GPM6A: variants seen among roughly 807,000 people sequenced by gnomAD.
GPM6A encodes glycoprotein M6A.
In GPM6A, 7 loss-of-function variants were observed where a neutral mutation model predicts 32.1. That is an observed-to-expected ratio of 0.22 (90% CI 0.12 to 0.41). GPM6A has a LOEUF of 0.41. Among genes scored for constraint, GPM6A ranks in the 10% least tolerant of loss-of-function variants. The pLI, the probability that GPM6A is intolerant of heterozygous loss-of-function variation, is 1.00. For synonymous variants in GPM6A, 130 were observed against 123.4 expected (o/e 1.05, Z -0.35); for missense variants, 235 against 347.2 (o/e 0.68, Z 2.57).
Position 176,002,221 on chromosome 4 carries a change from G to A in GPM6A, c.-23+88C>T, listed in dbSNP as rs536076572. 1.3e-4 allele frequency: 185 copies of A among 1,376,042 alleles called. No individual in the cohort carries two copies. The African/African-American group carries it at 2.0e-3, about 15-fold the overall frequency. 85.2% of individuals were successfully genotyped at this position (1,376,042 alleles called of 1,614,324 possible). A position where few individuals can be genotyped will look rare whatever the true frequency, so the allele number is the denominator to read the frequency against. On this transcript the variant is annotated intron_variant, in intron 1 of 7. Coordinates refer to the GPM6A transcript ENST00000280187. Reference sequence around the variant, plus strand: ...CAGAGCTGGGAAGGACGCAGTCTGAGGCCGAGGAACATTCATTTTCTTTCT... The same window carrying A: ...CAGAGCTGGGAAGGACGCAGTCTGAAGCCGAGGAACATTCATTTTCTTTCT...
chr4:175,816,274 A>C (rs1735098033), upstream of GPM6A, among the ~76,000 whole-genome samples: 1 of 152,170 alleles, frequency 6.6e-6, no homozygotes, highest in African/African-American at 2.4e-5. Flanking sequence ...TTCCCTTTCA[A>C]ATACTGTCTA....
At chr4:175,736,185 T>A (rs1249550659) in intron 1 of GPM6A, among the ~76,000 whole-genome samples, 1 of 152,038 alleles carries the variant, frequency 6.6e-6, no homozygotes, top group African/African-American at 2.4e-5. Flanking sequence ...ATGCCTAATT[T>A]TTTCTTTATG....
intron 1 of GPM6A, among the ~76,000 whole-genome samples, chr4:175,945,721 T>C (rs1579651775): frequency 1.4e-5 from 2 of 138,728 alleles, no homozygotes; most frequent in South Asian, 4.7e-4. Flanking sequence ...TTACTTATAA[T>C]TAAGTAATAC....
Position 175,943,761 on chromosome 4 carries a change from G to A in GPM6A, c.-23+58548C>T, listed in dbSNP as rs755972377. On this transcript the variant is annotated intron_variant, in intron 1 of 7. Coordinates refer to the GPM6A transcript ENST00000280187. ...GATTGTGGTGGATAAGCTTTTTGAT[G>A]TGCTGCTGGATTCGGTTTGCCAGTA... 2.6e-5 allele frequency among the ~76,000 whole-genome samples: 4 copies of A among 152,292 alleles called. 1 individual carries two copies. Among genetic ancestry groups the A allele is most frequent in the Non-Finnish European group, 5.9e-5 (4 of 68,022 alleles).
intron 1 of GPM6A, among the ~76,000 whole-genome samples, chr4:175,885,072 T>C (rs1395115266): frequency 6.6e-6 from 1 of 152,164 alleles, no homozygotes; most frequent in Non-Finnish European, 1.5e-5. Context: ...CATATGTATG[T>C]GCATCAAAAG....
At chr4:175,850,110 A>G (rs1421650071) in intron 1 of GPM6A, among the ~76,000 whole-genome samples, 2 of 152,190 alleles carry the variant, frequency 1.3e-5, no homozygotes, top group Non-Finnish European at 2.9e-5. Flanking sequence ...AGAGACATGG[A>G]AGCTTTACTC....
At chr4:175,767,372 G>A (rs1184454694) in intron 1 of GPM6A, among the ~76,000 whole-genome samples, 1 of 152,150 alleles carries the variant, frequency 6.6e-6, no homozygotes, top group Non-Finnish European at 1.5e-5. Flanking sequence ...CTCTATACAT[G>A]AAAACTGCTT....
intron 2 of GPM6A, among the ~76,000 whole-genome samples, chr4:175,677,293 T>G (rs1010522192): frequency 5.3e-5 from 8 of 152,210 alleles, no homozygotes; most frequent in Non-Finnish European, 7.4e-5. Flanking sequence ...CCTGAAATGT[T>G]ATGTTTCGGT....
At chr4:175,722,673 C>T (rs748367675) in intron 1 of GPM6A, among the ~76,000 whole-genome samples, 29 of 151,808 alleles carry the variant, frequency 1.9e-4, no homozygotes, top group Non-Finnish European at 3.8e-4. Context: ...GACCCTGCCT[C>T]AAAAAACATT....
chr4:175,674,896 CT>C (rs560432130), intron 2 of GPM6A, among the ~76,000 whole-genome samples: 95 of 142,906 alleles, frequency 6.6e-4, no homozygotes, highest in East Asian at 1.4e-3. Context: ...CCCAGTTTTG[CT>C]TTTTTTTTTT....
intron 1 of GPM6A, among the ~76,000 whole-genome samples, chr4:175,937,815 C>T (rs1223660854): frequency 6.6e-6 from 1 of 151,658 alleles, no homozygotes; most frequent in Non-Finnish European, 1.5e-5. Flanking sequence ...AAAGTAAAAA[C>T]ACAAAGTTGA....
At chr4:175,944,233 C>CA (rs1223460146) in intron 1 of GPM6A, among the ~76,000 whole-genome samples, 1 of 151,920 alleles carries the variant, frequency 6.6e-6, no homozygotes, top group African/African-American at 2.4e-5. Context: ...AATAAAGTGC[C>CA]AAAAAACAAG....
chr4:175,650,596 C>A (rs774763140), intron 4 of GPM6A, among the ~76,000 whole-genome samples: 1 of 152,222 alleles, frequency 6.6e-6, no homozygotes, highest in South Asian at 2.1e-4. Flanking sequence ...TGAGTCACCA[C>A]GCCCCACCTG....
intron 4 of GPM6A, chr4:175,641,583 C>G (rs1741146448): frequency 6.6e-6 from 1 of 152,186 alleles, no homozygotes; most frequent in Middle Eastern, 3.2e-3. Flanking sequence ...TCTTGAAGTG[C>G]TAAACACATA....
intron 1 of GPM6A, among the ~76,000 whole-genome samples, chr4:175,739,878 T>C (rs946935515): frequency 1.3e-5 from 2 of 151,974 alleles, no homozygotes; most frequent in Non-Finnish European, 2.9e-5. Context: ...TGCCTTACTT[T>C]CACAAAAAAT....
intron 3 of GPM6A, among the ~76,000 whole-genome samples, chr4:175,669,170 T>C (rs1385275452): frequency 6.6e-6 from 1 of 152,258 alleles, no homozygotes; most frequent in East Asian, 1.9e-4. Flanking sequence ...TTATTATTAC[T>C]AAACTTAGTA....
chr4:175,993,512 A>G (rs1403743824), intron 1 of GPM6A, among the ~76,000 whole-genome samples: 1 of 151,792 alleles, frequency 6.6e-6, no homozygotes, highest in African/African-American at 2.4e-5. Context: ...TCTAAGGTTA[A>G]CTCCCTCCCA....
intron 1 of GPM6A, among the ~76,000 whole-genome samples, chr4:175,822,561 A>G (rs1334961639): frequency 2.0e-5 from 3 of 152,218 alleles, no homozygotes; most frequent in Non-Finnish European, 4.4e-5. Flanking sequence ...ATATGCATTG[A>G]AACAAACCTA....
chr4:175,686,265 T>C (rs1743976336), intron 2 of GPM6A, among the ~76,000 whole-genome samples: 1 of 152,234 alleles, frequency 6.6e-6, no homozygotes, highest in Admixed American at 6.5e-5. Context: ...GCAAAAGTAA[T>C]TGCAGTTTTA....
Sources: gnomAD v4.1 joint callset for allele counts (sites outside exome capture counted in the v4.1 genomes callset) on GRCh38, gnomAD v4.1.1 for gene constraint, MANE v1.5 for transcripts, NCBI Gene and HGNC (gene_info 2026-07-23, HGNC 2026-07-21) for gene names.